Variants in NTM observed in about 807,000 individuals in gnomAD.
NTM encodes neurotrimin, also known as IgLON family member 2.
NTM carries 13 observed loss-of-function variants against 42.1 expected under a neutral mutation model. That is an observed-to-expected ratio of 0.31 (90% CI 0.20 to 0.49). The LOEUF (loss-of-function observed/expected upper bound fraction) is 0.49. NTM is among the 20% of genes least tolerant of loss of function. NTM has a pLI of 0.99. For missense variants in NTM, 373 were observed against 452.8 expected (o/e 0.82, Z 1.60); for synonymous variants, 187 against 179.2 (o/e 1.04, Z -0.35).
rs568884404 is a variant in NTM, at chr11:132,084,632, G to A, written c.168-61650G>A. Among the ~76,000 whole-genome samples the A allele has an allele frequency of 3.9e-5, 6 of 152,242 alleles. No homozygotes were observed. The East Asian group carries it at 7.7e-4, about 20-fold the overall frequency. Reference sequence around the variant, plus strand: ...GAACTAGAATTTCAGATTACCATAAGTTATTTATTTTGCCAAAGTGATAAC... The same window carrying A: ...GAACTAGAATTTCAGATTACCATAAATTATTTATTTTGCCAAAGTGATAAC... On this transcript the variant is annotated intron_variant, in intron 2 of 8. Transcript: ENST00000683400.
chr11:131,998,636 G>A lies in NTM; in HGVS notation c.167+86988G>A, dbSNP rs533602223. 9.9e-5 allele frequency among the ~76,000 whole-genome samples: 15 copies of A among 152,086 alleles called. No individual in the cohort carries two copies. In the South Asian group the frequency reaches 1.9e-3, roughly 19 times the overall value. On this transcript the variant is annotated intron_variant, in intron 2 of 8. Coordinates refer to ENST00000683400, the MANE Select transcript of NTM (RefSeq NM_001352005.2). ...TTAGAGAGACACAATCTCATACTCC[G>A]TCGGTCACCCTGGCCACAGGTACTA...
chr11:131,967,458 G>T (rs926745710), intron 2 of NTM, among the ~76,000 whole-genome samples: 1 of 152,258 alleles, frequency 6.6e-6, no homozygotes, highest in Non-Finnish European at 1.5e-5. Context: ...CCACGCTGAG[G>T]TCATGTGTAG....
chr11:131,393,000 G>T (rs946648439), intron 1 of NTM, among the ~76,000 whole-genome samples: 1 of 152,116 alleles, frequency 6.6e-6, no homozygotes, highest in African/African-American at 2.4e-5. Flanking sequence ...CTGTGGATGA[G>T]GGAAGGCCTA....
chr11:131,588,394 C>G (rs1265408714), intron 1 of NTM, among the ~76,000 whole-genome samples: 2 of 152,180 alleles, frequency 1.3e-5, no homozygotes, highest in African/African-American at 4.8e-5. Flanking sequence ...TGGCCTGAAA[C>G]AAAAATCCTT....
At chr11:131,805,731 A>G (rs2092444191) in intron 1 of NTM, among the ~76,000 whole-genome samples, 1 of 152,254 alleles carries the variant, frequency 6.6e-6, no homozygotes, top group Non-Finnish European at 1.5e-5. Flanking sequence ...TGTCAATAAT[A>G]GAACAAAACT....
intron 2 of NTM, among the ~76,000 whole-genome samples, chr11:132,072,568 C>T (rs966748166): frequency 1.3e-5 from 2 of 152,132 alleles, no homozygotes; most frequent in Admixed American, 6.5e-5. Context: ...CAGAAAAATA[C>T]TAAGTGGAGA....
Position 132,265,977 on chromosome 11 carries a change from A to G in NTM, c.527-41712A>G, listed in dbSNP as rs188275388. Among the ~76,000 whole-genome samples, 421 of 152,280 alleles carry G rather than the reference A, an allele frequency of 2.8e-3. 3 individuals carry two copies. The highest frequency in any genetic ancestry group is 5.0e-3 in the Non-Finnish European group (343 of 68,018). Reference sequence around the variant, plus strand: ...GAAGACAGACACTTAAGCCAAAATCATGTCTGCTACTTCCTTAACACAGGG... The same window carrying G: ...GAAGACAGACACTTAAGCCAAAATCGTGTCTGCTACTTCCTTAACACAGGG... On this transcript the variant is annotated intron_variant, in intron 4 of 8. Transcript: ENST00000683400.
chr11:132,177,876 T>G (rs1007408989), intron 3 of NTM, among the ~76,000 whole-genome samples: 2 of 152,208 alleles, frequency 1.3e-5, no homozygotes, highest in South Asian at 4.1e-4. Context: ...AGGCAATGGA[T>G]CAAAACTTTT....
intron 4 of NTM, among the ~76,000 whole-genome samples, chr11:132,235,226 G>A (rs757610308): frequency 3.2e-4 from 48 of 152,130 alleles, no homozygotes; most frequent in Admixed American, 2.0e-3. Flanking sequence ...ATCATCTTCC[G>A]ACCCCTCAAG....
chr11:131,523,502 G>A (rs1323334996), intron 1 of NTM, among the ~76,000 whole-genome samples: 1 of 152,086 alleles, frequency 6.6e-6, no homozygotes, highest in Non-Finnish European at 1.5e-5. Context: ...TAGAAGAAAA[G>A]GAAGGGTCAG....
chr11:132,253,240 G>T (rs2092155126), intron 4 of NTM, among the ~76,000 whole-genome samples: 1 of 152,108 alleles, frequency 6.6e-6, no homozygotes, highest in Non-Finnish European at 1.5e-5. Flanking sequence ...TAATCTCCTA[G>T]GTGCTTTTTC....
chr11:131,586,063 G>A (rs1015049884), intron 1 of NTM, among the ~76,000 whole-genome samples: 4 of 151,178 alleles, frequency 2.6e-5, no homozygotes, highest in Non-Finnish European at 4.4e-5. Context: ...AGGTAATCTC[G>A]TGTGTGTGTA....
At position 131,985,022 on chromosome 11, in the gene NTM, C is replaced by T. The variant is rs7121513; in HGVS notation, c.167+73374C>T. Among the ~76,000 whole-genome samples the T allele has an allele frequency of 4.5e-3, 685 of 152,196 alleles. 9 individuals carry two copies. The highest frequency in any genetic ancestry group is 0.015 in the African/African-American group (643 of 41,544). ...TAATCTTCTTCCTGACATTTGAGAT[C>T]CAGACTGAGTTGGTGTTCTCAAACA... On this transcript the variant is annotated intron_variant, in intron 2 of 8. Transcript: ENST00000683400.
intron 1 of NTM, among the ~76,000 whole-genome samples, chr11:131,731,441 C>A (rs1426909236): frequency 6.6e-6 from 1 of 152,170 alleles, no homozygotes; most frequent in Non-Finnish European, 1.5e-5. Context: ...GTTATTTAAT[C>A]AGCTCCAAAT....
intron 1 of NTM, among the ~76,000 whole-genome samples, chr11:131,474,326 G>C (rs1952718853): frequency 6.6e-6 from 1 of 152,054 alleles, no homozygotes; most frequent in South Asian, 2.1e-4. Flanking sequence ...TCCTCTTACA[G>C]GGTTGGTTTC....
At chr11:131,519,002 C>T (rs995261706) in intron 1 of NTM, among the ~76,000 whole-genome samples, 1 of 152,180 alleles carries the variant, frequency 6.6e-6, no homozygotes, top group African/African-American at 2.4e-5. Flanking sequence ...TATCAATAAA[C>T]AAACTATAAT....
chr11:132,244,027 T>C (rs2090652522), intron 4 of NTM, among the ~76,000 whole-genome samples: 1 of 152,254 alleles, frequency 6.6e-6, no homozygotes, highest in African/African-American at 2.4e-5. Flanking sequence ...TCTTGAATTC[T>C]TTCCAGTTGT....
chr11:131,684,346 A>G (rs2073500890), intron 1 of NTM, among the ~76,000 whole-genome samples: 1 of 152,126 alleles, frequency 6.6e-6, no homozygotes, highest in Non-Finnish European at 1.5e-5. Context: ...AGCTATAGTC[A>G]CACACCCCCT....
chr11:131,705,871 A>G (rs2076541406), intron 1 of NTM, among the ~76,000 whole-genome samples: 1 of 152,134 alleles, frequency 6.6e-6, no homozygotes, highest in Non-Finnish European at 1.5e-5. Flanking sequence ...TAATTAAAGC[A>G]TACTATTACT....
Sources: allele counts gnomAD v4.1 joint callset (sites outside exome capture counted in the v4.1 genomes callset), GRCh38; gene constraint gnomAD v4.1.1; transcripts MANE v1.5; gene names NCBI Gene and HGNC (gene_info 2026-07-23, HGNC 2026-07-21).